PTPRM: variants seen among roughly 807,000 people sequenced by gnomAD.
PTPRM encodes receptor-type tyrosine-protein phosphatase mu.
In PTPRM, 47 loss-of-function variants were observed where a neutral mutation model predicts 186.7. That is an observed-to-expected ratio of 0.25 (90% CI 0.20 to 0.32). PTPRM has a LOEUF of 0.32. PTPRM is among the 10% of genes least tolerant of loss of function. The pLI is 1.00. For synonymous variants in PTPRM, 668 were observed against 674.9 expected, an observed-to-expected ratio of 0.99 and a Z score of 0.16; for missense variants, 1,494 against 1,865.0, an observed-to-expected ratio of 0.80 and a Z score of 3.66.
chr18:7,630,390 G>C (rs945052177), intron 1 of PTPRM, among the ~76,000 whole-genome samples: 12 of 152,242 alleles, frequency 7.9e-5, no homozygotes, highest in African/African-American at 2.9e-4. Context: ...CCTTGGCCTG[G>C]ATGTCCCTGT....
rs191658332 is a variant in PTPRM at position 7,988,384 on chromosome 18, A to T, written c.1132+32970A>T. ...TAAAATAAATGAAAAGGGCTTTAAA[A>T]TTTTTTATTTTTTATTGTAATAAAG... is the stretch of plus-strand genomic sequence containing the variant. On this transcript the variant is annotated intron_variant, in intron 7 of 32. Transcript: ENST00000580170. Among the ~76,000 whole-genome samples, 301 of 152,240 alleles carry T rather than the reference A, an allele frequency of 2.0e-3. 1 individual carries two copies. Among genetic ancestry groups the T allele is most frequent in the African/African-American group, 6.9e-3 (285 of 41,544 alleles).
intron 1 of PTPRM, among the ~76,000 whole-genome samples, chr18:7,679,888 C>A (rs950974414): frequency 1.3e-5 from 2 of 151,804 alleles, no homozygotes; most frequent in Non-Finnish European, 2.9e-5. Context: ...TTTTTTGCGA[C>A]AAGATCTCAC....
At chr18:8,115,570 A>C (rs1243200366) in intron 13 of PTPRM, among the ~76,000 whole-genome samples, 4 of 152,224 alleles carry the variant, frequency 2.6e-5, no homozygotes, top group Non-Finnish European at 4.4e-5. Context: ...AAAATGAGGC[A>C]ATATAAATTA....
At chr18:7,796,632 G>A (rs1256427857) in intron 2 of PTPRM, among the ~76,000 whole-genome samples, 1 of 152,168 alleles carries the variant, frequency 6.6e-6, no homozygotes, top group Non-Finnish European at 1.5e-5. Context: ...AGGCTCAATG[G>A]CTCTTCAAGT....
At chr18:8,302,474 G>A (rs539841844) in intron 20 of PTPRM, among the ~76,000 whole-genome samples, 4 of 152,020 alleles carry the variant, frequency 2.6e-5, no homozygotes, top group Admixed American at 1.3e-4. Flanking sequence ...TAAGAATAAC[G>A]GAAACTTCAT....
intron 1 of PTPRM, among the ~76,000 whole-genome samples, chr18:7,641,741 GA>G (rs1202403041): frequency 2.0e-5 from 3 of 152,146 alleles, no homozygotes; most frequent in Non-Finnish European, 4.4e-5. Context: ...TATGATCAGA[GA>G]AAAAAGCAGT....
Position 7,633,816 on chromosome 18 carries a change from C to T in PTPRM, c.73+65925C>T, listed in dbSNP as rs1351348106. On this transcript the variant is annotated intron_variant, in intron 1 of 32. Transcript: ENST00000580170. The stretch of plus-strand genomic sequence containing the variant: ...CTCATGCCTACATTCAGCCAGTCAG[C>T]AGATCCTGTTGATTCTACCTTCACA... Among the ~76,000 whole-genome samples the T allele has an allele frequency of 3.3e-5, 5 of 152,192 alleles. No individual in the cohort carries two copies. In the East Asian group the frequency reaches 9.6e-4, roughly 29 times the overall value.
At chr18:8,272,570 A>G (rs1344558988) in intron 19 of PTPRM, among the ~76,000 whole-genome samples, 1 of 152,146 alleles carries the variant, frequency 6.6e-6, no homozygotes, top group African/African-American at 2.4e-5. Flanking sequence ...ATTATTTAGA[A>G]GCATGTGAGT....
intron 17 of PTPRM, among the ~76,000 whole-genome samples, chr18:8,248,684 A>G (rs2147345082): frequency 6.6e-6 from 1 of 152,214 alleles, no homozygotes; most frequent in South Asian, 2.1e-4. Context: ...CTGGCCCTCT[A>G]CCCATCCTCG....
intron 1 of PTPRM, among the ~76,000 whole-genome samples, chr18:7,738,605 T>G (rs996162161): frequency 2.0e-5 from 3 of 147,766 alleles, no homozygotes; most frequent in Non-Finnish European, 4.4e-5. Context: ...CCGGCTATTT[T>G]TTTTTTTTTG....
At chr18:7,940,051 T>C (rs2052069301) in intron 5 of PTPRM, among the ~76,000 whole-genome samples, 1 of 152,110 alleles carries the variant, frequency 6.6e-6, no homozygotes, top group African/African-American at 2.4e-5. Flanking sequence ...AGGGGCAGAC[T>C]CTCATGCCTG....
chr18:8,064,328 G>A (rs1400101970), intron 7 of PTPRM, among the ~76,000 whole-genome samples: 1 of 151,808 alleles, frequency 6.6e-6, no homozygotes, highest in Non-Finnish European at 1.5e-5. Context: ...GAATGATTTT[G>A]TGTAGACTTT....
chr18:8,221,418 A>G (rs2094151658), intron 14 of PTPRM, among the ~76,000 whole-genome samples: 1 of 152,220 alleles, frequency 6.6e-6, no homozygotes, highest in Non-Finnish European at 1.5e-5. Context: ...GTTAAAAGAA[A>G]AATGTTAGAC....
At chr18:8,145,784 G>A (rs559741842) in intron 14 of PTPRM, among the ~76,000 whole-genome samples, 3 of 152,130 alleles carry the variant, frequency 2.0e-5, no homozygotes, top group African/African-American at 4.8e-5. Flanking sequence ...ATAGTGCCAC[G>A]ATAAACATAC....
chr18:8,174,391 A>G lies in PTPRM; in HGVS notation c.2300+30612A>G, dbSNP rs116186875. 2.8e-3 allele frequency among the ~76,000 whole-genome samples: 422 copies of G among 152,318 alleles called. 2 individuals are homozygous for G. The highest frequency in any genetic ancestry group is 9.7e-3 in the African/African-American group (405 of 41,574). On this transcript the variant is annotated intron_variant, in intron 14 of 32. Transcript: ENST00000580170. ...GGGTTGGTTAGCTAAGATCTCTTTCACTGTCATAGTTTCCTCACTGTTATA... is the reference window on the plus strand; with the variant it reads ...GGGTTGGTTAGCTAAGATCTCTTTCGCTGTCATAGTTTCCTCACTGTTATA...
chr18:8,280,159 C>T (rs1273928993), intron 19 of PTPRM, among the ~76,000 whole-genome samples: 4 of 152,066 alleles, frequency 2.6e-5, no homozygotes, highest in Admixed American at 2.0e-4. Flanking sequence ...GATCAAGGTG[C>T]CGGCATGGTT....
intron 23 of PTPRM, among the ~76,000 whole-genome samples, 169 bp from the exon 24 acceptor site, chr18:8,370,721 T>C (rs912080296): frequency 4.6e-5 from 7 of 152,252 alleles, no homozygotes; most frequent in African/African-American, 1.7e-4. Flanking sequence ...TGTTTTCTTC[T>C]GAGAAGAATA....
chr18:8,063,138 A>G (rs1387680698), intron 7 of PTPRM, among the ~76,000 whole-genome samples: 1 of 151,572 alleles, frequency 6.6e-6, no homozygotes, highest in Non-Finnish European at 1.5e-5. Flanking sequence ...CCTCCGAGCC[A>G]GGTGTGGGAT....
chr18:8,134,539 T>A (rs1475734587), intron 13 of PTPRM, among the ~76,000 whole-genome samples: 2 of 152,178 alleles, frequency 1.3e-5, no homozygotes, highest in Non-Finnish European at 2.9e-5. Context: ...CTTTTCCTCA[T>A]CCACATGATG....
Sources: allele counts gnomAD v4.1 joint callset (sites outside exome capture counted in the v4.1 genomes callset), GRCh38; gene constraint gnomAD v4.1.1; transcripts MANE v1.5; gene names NCBI Gene and HGNC (gene_info 2026-07-23, HGNC 2026-07-21).